Variants in DENND5B observed in about 807,000 individuals in gnomAD.
The protein encoded by DENND5B is DENN domain-containing protein 5B.
Under a neutral mutation model 140.6 loss-of-function variants are expected in DENND5B, and 34 were observed. That is an observed-to-expected ratio of 0.24 (90% confidence interval 0.18 to 0.32). The LOEUF is 0.32. Ranked by LOEUF, DENND5B falls within the 10% of genes least tolerant of loss-of-function variation. The probability of loss-of-function intolerance (pLI) is 1.00; values close to 1 mark genes in which losing one functional copy is unlikely to be tolerated. For synonymous variants in DENND5B, 551 were observed against 562.1 expected (o/e 0.98, Z 0.28); for missense variants, 1,142 against 1,560.2 (o/e 0.73, Z 4.52).
chr12:31,529,846 T>C (rs774569695), intron 1 of DENND5B, among the ~76,000 whole-genome samples: 23 of 152,324 alleles, frequency 1.5e-4, no homozygotes, highest in Non-Finnish European at 2.5e-4. Flanking sequence ...ACTGCTATAA[T>C]TGCCATATGA....
rs185629591 is a variant in DENND5B, at chr12:31,574,577, G to A, written c.127+16129C>T. Among the ~76,000 whole-genome samples the A allele has an allele frequency of 4.5e-3, 685 of 152,094 alleles. 6 individuals carry two copies. Among genetic ancestry groups the A allele is most frequent in the African/African-American group, 0.015 (641 of 41,496 alleles). On this transcript the variant is annotated intron_variant, in intron 1 of 20. Transcript: ENST00000389082. ...CGCACTCCAGCCTGGGTGACAGAGCGAGACTCTGCCTCAAAATAAAAAATA... is the reference window on the plus strand; with the variant it reads ...CGCACTCCAGCCTGGGTGACAGAGCAAGACTCTGCCTCAAAATAAAAAATA...
At chr12:31,531,996 T>TA (rs1174789250) in intron 1 of DENND5B, among the ~76,000 whole-genome samples, 8 of 151,800 alleles carry the variant, frequency 5.3e-5, no homozygotes, top group African/African-American at 9.7e-5. Context: ...TAATAGAAAA[T>TA]AAAAAAATAC....
chr12:31,517,061 C>A (rs1185025856), intron 1 of DENND5B, among the ~76,000 whole-genome samples: 1 of 152,064 alleles, frequency 6.6e-6, no homozygotes, highest in Non-Finnish European at 1.5e-5. Context: ...ATTCATTTCA[C>A]AACTTTTTAA....
At chr12:31,494,187 TCCATCC>T (rs1946661015) in intron 2 of DENND5B, among the ~76,000 whole-genome samples, 3 of 70,818 alleles carry the variant, frequency 4.2e-5, no homozygotes, top group Non-Finnish European at 9.1e-5. Context: ...TATCTATCCA[TCCATCC>T]ATCCATCCAC....
intron 1 of DENND5B, among the ~76,000 whole-genome samples, chr12:31,554,016 C>T (rs1406437420): frequency 6.6e-6 from 1 of 152,118 alleles, no homozygotes; most frequent in Admixed American, 6.5e-5. Flanking sequence ...ACTCTTTATC[C>T]AATTTGCCAG....
At chr12:31,477,087 G>A (rs146362730) in intron 3 of DENND5B, among the ~76,000 whole-genome samples, 2,939 of 152,084 alleles carry the variant, frequency 0.019, 38 homozygotes, top group Admixed American at 0.028. Flanking sequence ...AATCAGCTGG[G>A]TGTGGTGGTG....
chr12:31,559,019 A>G (rs1259120217), intron 1 of DENND5B, among the ~76,000 whole-genome samples: 5 of 152,242 alleles, frequency 3.3e-5, no homozygotes, highest in African/African-American at 9.6e-5. Context: ...AATATAGATC[A>G]TATAATCAAA....
chr12:31,537,491 G>C (rs1592003263), intron 1 of DENND5B, among the ~76,000 whole-genome samples: 1 of 151,878 alleles, frequency 6.6e-6, no homozygotes, highest in Non-Finnish European at 1.5e-5. Flanking sequence ...TAAAAAATAA[G>C]AAATTAAAAT....
chr12:31,449,848 A>G (rs1011503439), intron 5 of DENND5B, among the ~76,000 whole-genome samples: 17 of 148,392 alleles, frequency 1.1e-4, no homozygotes, highest in Admixed American at 8.3e-4. Flanking sequence ...CTTCTGCCTC[A>G]GCCTCCCAAG....
At chr12:31,578,698 T>C (rs990263524) in intron 1 of DENND5B, among the ~76,000 whole-genome samples, 2 of 152,210 alleles carry the variant, frequency 1.3e-5, no homozygotes, top group Non-Finnish European at 2.9e-5. Context: ...ACTTGTGACC[T>C]AGCTCATGAA....
intron 1 of DENND5B, among the ~76,000 whole-genome samples, chr12:31,561,470 T>TAAC (rs1253873162): frequency 2.0e-5 from 3 of 151,900 alleles, no homozygotes; most frequent in Non-Finnish European, 4.4e-5. Context: ...ATAATAATAA[T>TAAC]AACAACAACA....
rs952423959 is a variant in DENND5B at position 31,590,422 on chromosome 12, G to A, written c.127+284C>T. ...GAGTGCGGCTGCAAGCGAAGGGGCC[G>A]GCGCGCCAGGCGGGGTCCGTGCCCT... On this transcript the variant is annotated intron_variant, in intron 1 of 20. Coordinates refer to ENST00000389082, the MANE Select transcript of DENND5B (RefSeq NM_144973.4). 5 of 228,564 alleles carry A rather than the reference G, an allele frequency of 2.2e-5. No homozygotes were observed. The East Asian group carries it at 2.5e-4, about 12-fold the overall frequency. The allele number at this position is 228,564 out of a possible 1,614,324, so 14.2% of individuals were successfully genotyped here.
chr12:31,432,573 C>T (rs551932804), intron 8 of DENND5B: 1 of 151,706 alleles, frequency 6.6e-6, no homozygotes, highest in African/African-American at 2.4e-5. Context: ...AAGACCTGGG[C>T]AACATAGCAA....
At position 31,447,867 on chromosome 12, in the gene DENND5B, T is replaced by TA. The variant is rs1438678178; in HGVS notation, c.1630-99dup. On this transcript the variant is annotated intron_variant, in intron 5 of 20. Coordinates refer to ENST00000389082, the MANE Select transcript of DENND5B (RefSeq NM_144973.4). ...ATGTTAACTCAGGACATTCCTTTTT[T>TA]AAATCTTATAAAACTGACACTTGAA... 8 of 841,990 alleles carry TA rather than the reference T, an allele frequency of 9.5e-6. No homozygotes were observed. In the African/African-American group the frequency reaches 1.0e-4, roughly 11 times the overall value. 52.2% of individuals were successfully genotyped at this position (841,990 alleles called of 1,614,324 possible). A position where few individuals can be genotyped will look rare whatever the true frequency, so the allele number is the denominator to read the frequency against.
At chr12:31,553,275 T>C (rs1344975593) in intron 1 of DENND5B, among the ~76,000 whole-genome samples, 1 of 152,226 alleles carries the variant, frequency 6.6e-6, no homozygotes, top group East Asian at 1.9e-4. Context: ...TTTGTTCTCC[T>C]TGGTTTCAAG....
intron 3 of DENND5B, among the ~76,000 whole-genome samples, chr12:31,474,213 AT>A (rs1828904953): frequency 6.6e-6 from 1 of 152,218 alleles, no homozygotes; most frequent in African/African-American, 2.4e-5. Flanking sequence ...GTAGTGGTTT[AT>A]TTCCACTATG....
Position 31,426,348 on chromosome 12 carries a change from A to G in DENND5B, c.2183T>C (p.Ile728Thr). The change falls in exon 9 of 21, where the codon ATT (isoleucine) becomes ACT (threonine). Residue 728 changes from isoleucine to threonine, a missense_variant. Ile to Thr is a moderately conservative substitution (Grantham distance 89, BLOSUM62 -1). Coordinates refer to ENST00000389082, the MANE Select transcript of DENND5B (RefSeq NM_144973.4). ...TACGAATTTACAGTTGGTCTGTGCA[A>G]TAACTGCAGGAGAGAGGTCTGACAG... Reference protein sequence around the residue: ...PKLSDLSPAVIAQTNCKFVEG... With the variant: ...PKLSDLSPAVTAQTNCKFVEG... 10 of 1,612,050 alleles carry G rather than the reference A, an allele frequency of 6.2e-6. No homozygotes were observed. The highest frequency in any genetic ancestry group is 8.5e-6 in the Non-Finnish European group (10 of 1,178,930).
intron 1 of DENND5B, among the ~76,000 whole-genome samples, chr12:31,579,965 A>G (rs1341629078): frequency 1.4e-5 from 2 of 144,526 alleles, no homozygotes; most frequent in African/African-American, 2.5e-5. Context: ...ACAGAAAAAA[A>G]TATATATAAA....
At chr12:31,409,474 CTTT>C (rs139434599) in intron 13 of DENND5B, 90 bp from the exon 14 acceptor site, 9,137 of 282,286 alleles carry the variant, frequency 0.032, 1 homozygote, top group South Asian at 0.058. Context: ...TTCATTATGT[CTTT>C]TTTTTTTTTT....
Sources: gnomAD v4.1 joint callset for allele counts (sites outside exome capture counted in the v4.1 genomes callset) on GRCh38, gnomAD v4.1.1 for gene constraint, MANE v1.5 for transcripts, NCBI Gene and HGNC (gene_info 2026-07-23, HGNC 2026-07-21) for gene names.